The following ESF1 variants were observed in gnomAD, a reference collection of about 807,000 sequenced individuals.
ESF1 encodes the protein ESF1 nucleolar pre-rRNA processing protein, also known as ESF1 homolog.
ESF1 carries 58 observed loss-of-function variants against 92.0 expected under a neutral mutation model. That is an observed-to-expected ratio of 0.63 (90% CI 0.51 to 0.78). The LOEUF (loss-of-function observed/expected upper bound fraction) is 0.78, where lower values mean the gene tolerates loss of function less well. ESF1 is among the 30% of genes least tolerant of loss of function. The pLI is 0.00. For synonymous variants in ESF1, 321 were observed against 313.7 expected (o/e 1.02, Z -0.24); for missense variants, 922 against 989.1 (o/e 0.93, Z 0.91).
At chr20:13,726,115 G>A (rs887629140) in intron 11 of ESF1, among the ~76,000 whole-genome samples, 5 of 152,016 alleles carry the variant, frequency 3.3e-5, no homozygotes, top group African/African-American at 1.2e-4. Context: ...TTGGTCTAGA[G>A]CTCGGCAAAA....
intron 9 of ESF1, among the ~76,000 whole-genome samples, chr20:13,734,231 T>C (rs2049962241): frequency 6.6e-6 from 1 of 152,240 alleles, no homozygotes; most frequent in Non-Finnish European, 1.5e-5. Context: ...TTAATTTTTG[T>C]AGCAAAAGAC....
chr20:13,775,758 A>G (rs1401574926), intron 3 of ESF1, 115 bp downstream of exon 3: 1 of 1,248,830 alleles, frequency 8.0e-7, no homozygotes, highest in Non-Finnish European at 1.1e-6. Context: ...AATCAGAATC[A>G]TAAAGAATAC....
chr20:13,745,750 C>T (rs1249789575), intron 9 of ESF1, among the ~76,000 whole-genome samples: 1 of 152,052 alleles, frequency 6.6e-6, no homozygotes, highest in African/African-American at 2.4e-5. Context: ...CCATGCCTGG[C>T]CCAGAATGTT....
At chr20:13,782,354 A>G (rs1012242714) in intron 2 of ESF1, 150 bp downstream of exon 2, 7 of 639,256 alleles carry the variant, frequency 1.1e-5, no homozygotes, top group Non-Finnish European at 1.4e-5. Context: ...TAATCACTGC[A>G]TATTTCTTTT....
chr20:13,753,967 A>G lies in ESF1; in HGVS notation c.1828+5725T>C, dbSNP rs76380977. 4.1e-3 allele frequency among the ~76,000 whole-genome samples: 632 copies of G among 152,350 alleles called. 3 individuals carry two copies. The highest frequency in any genetic ancestry group is 0.017 in the Middle Eastern group (5 of 294). On this transcript the variant is annotated intron_variant, in intron 9 of 13. Transcript: ENST00000617257. Reference sequence around the variant, plus strand: ...TGAGACTAACAATTCCCTTGGTGTGAAAGTGGCAACGTGCTTATAATGGAA... The same window carrying G: ...TGAGACTAACAATTCCCTTGGTGTGGAAGTGGCAACGTGCTTATAATGGAA...
chr20:13,760,506 A>C (rs1343623490), intron 8 of ESF1, among the ~76,000 whole-genome samples: 3 of 123,446 alleles, frequency 2.4e-5, no homozygotes, highest in African/African-American at 6.5e-5. Flanking sequence ...AAGTGAGGAG[A>C]CCCTCCACCC....
chr20:13,772,540 G>C lies in ESF1; in HGVS notation c.1225C>G (p.Pro409Ala), dbSNP rs769766714. Residue 409 changes from proline to alanine, a missense_variant, in exon 5 of 14, where the codon CCT (proline) becomes GCT (alanine). Transcript: ENST00000617257. ...VQGPVELLSI[P>A]EDAPEKDWTS... ...CAGTCTTTTTCTGGGGCATCTTCAG[G>C]AATACTTAATAGCTCTACTGGTCCT... The C allele has an allele frequency of 1.9e-6, 3 of 1,612,242 alleles. No individual in the cohort carries two copies. Among genetic ancestry groups the C allele is most frequent in the Non-Finnish European group, 2.5e-6 (3 of 1,178,940 alleles).
intron 9 of ESF1, among the ~76,000 whole-genome samples, chr20:13,758,905 G>C (rs1481386906): frequency 6.6e-6 from 1 of 152,160 alleles, no homozygotes; most frequent in East Asian, 1.9e-4. Context: ...TGAAATCATG[G>C]ATAGTACTGA....
Position 13,733,682 on chromosome 20 carries a change from G to C in ESF1, c.1950+39C>G, listed in dbSNP as rs188661710. The stretch of plus-strand genomic sequence containing the variant: ...ACCTGGTACCATCTGATATATGGTT[G>C]GTATTCAACAAACATTTGGTCATAA... On this transcript the variant is annotated intron_variant, in intron 10 of 13. Transcript: ENST00000617257. The C allele has an allele frequency of 2.5e-6, 4 of 1,590,258 alleles. No homozygotes were observed. In the East Asian group the frequency reaches 9.0e-5, roughly 36 times the overall value.
intron 11 of ESF1, among the ~76,000 whole-genome samples, chr20:13,726,548 T>A (rs540002230): frequency 3.8e-4 from 58 of 152,302 alleles, no homozygotes; most frequent in Middle Eastern, 3.4e-3. Context: ...TAAACTCCCA[T>A]ATCTCCTACT....
chr20:13,728,628 A>G (rs1325972098), intron 10 of ESF1, among the ~76,000 whole-genome samples, 163 bp from the exon 11 acceptor site: 6 of 152,226 alleles, frequency 3.9e-5, no homozygotes, highest in Non-Finnish European at 8.8e-5. Flanking sequence ...GCACTTTGGG[A>G]GGCCAAGGCG....
chr20:13,760,738 C>T (rs1421033368), intron 8 of ESF1, among the ~76,000 whole-genome samples: 1 of 151,140 alleles, frequency 6.6e-6, no homozygotes, highest in Non-Finnish European at 1.5e-5. Flanking sequence ...CGGCCAGCCG[C>T]CCCGTCCGGG....
chr20:13,781,612 G>C (rs2147452567), intron 2 of ESF1, among the ~76,000 whole-genome samples: 1 of 152,266 alleles, frequency 6.6e-6, no homozygotes, highest in East Asian at 1.9e-4. Context: ...CTGCTCAGGG[G>C]CAAAAAATCT....
chr20:13,775,799 C>T, intron 3 of ESF1, 74 bp downstream of exon 3: 1 of 1,494,028 alleles, frequency 6.7e-7, no homozygotes, highest in East Asian at 2.3e-5. Flanking sequence ...CACTTAATGA[C>T]ATCAGTTCTA....
intron 9 of ESF1, among the ~76,000 whole-genome samples, chr20:13,749,634 C>T (rs764121796): frequency 6.6e-6 from 1 of 152,034 alleles, no homozygotes; most frequent in Non-Finnish European, 1.5e-5. Flanking sequence ...GGCATGATCT[C>T]GGCTCACTGC....
chr20:13,733,888 G>A, intron 9 of ESF1, 46 bp from the exon 10 acceptor site: 4 of 1,547,818 alleles, frequency 2.6e-6, no homozygotes, highest in Non-Finnish European at 2.6e-6. Context: ...CTTATTGTCT[G>A]GCAATCACTT....
At chr20:13,728,505 C>T (rs989345437) in intron 10 of ESF1, 40 bp from the exon 11 acceptor site, 3 of 1,374,412 alleles carry the variant, frequency 2.2e-6, no homozygotes, top group Admixed American at 2.0e-5. Flanking sequence ...TTCATTATTA[C>T]AAGAATTATA....
At chr20:13,779,483 C>G (rs1035654413) in intron 2 of ESF1, among the ~76,000 whole-genome samples, 5 of 152,188 alleles carry the variant, frequency 3.3e-5, no homozygotes, top group Non-Finnish European at 7.3e-5. Flanking sequence ...TCATAGATCA[C>G]AGATGTTTGC....
At chr20:13,738,316 A>C in intron 9 of ESF1, among the ~76,000 whole-genome samples, 1 of 65,774 alleles carries the variant, frequency 1.5e-5, no homozygotes, top group Non-Finnish European at 2.9e-5. Context: ...TCTCTCCTAA[A>C]CTTTTTTTTT....
Sources: gnomAD v4.1 joint callset for allele counts (sites outside exome capture counted in the v4.1 genomes callset) on GRCh38, gnomAD v4.1.1 for gene constraint, MANE v1.5 for transcripts, NCBI Gene and HGNC (gene_info 2026-07-23, HGNC 2026-07-21) for gene names.